PTGR2: variants seen among roughly 807,000 people sequenced by gnomAD.
PTGR2 encodes 15-oxoprostaglandin 13-reductase.
PTGR2 carries 32 observed loss-of-function variants against 43.4 expected under a neutral mutation model. The ratio of observed to expected loss-of-function variants is 0.74; its 90% CI spans 0.56 to 0.99. The LOEUF (loss-of-function observed/expected upper bound fraction) is 0.99. PTGR2 is among the 50% of genes least tolerant of loss of function. The probability of loss-of-function intolerance (pLI) is 0.00; values close to 1 mark genes in which losing one functional copy is unlikely to be tolerated. For synonymous variants in PTGR2, 106 were observed against 139.2 expected (o/e 0.76, Z 1.68); for missense variants, 373 against 420.0 (o/e 0.89, Z 0.98).
intron 6 of PTGR2, 170 bp from the exon 7 acceptor site, chr14:73,879,884 TA>T (rs1482856031): frequency 3.6e-6 from 2 of 559,526 alleles, no homozygotes; most frequent in Non-Finnish European, 6.3e-6. Context: ...CTTTGGAATG[TA>T]ATTATTTCTA....
At chr14:73,876,483 C>CTTTTTTTTTTTTTTTTTTTT (rs766810794) in intron 4 of PTGR2, among the ~76,000 whole-genome samples, 2 of 108,570 alleles carry the variant, frequency 1.8e-5, no homozygotes, top group African/African-American at 3.4e-5. Context: ...GACATAAGTC[C>CTTTTTTTTTTTTTTTTTTTT]TTTTTTTTTT....
At position 73,874,613 on chromosome 14, in the gene PTGR2, G is replaced by T. The variant is rs760424090; in HGVS notation, c.348+399G>T. 3.9e-5 allele frequency: 18 copies of T among 455,888 alleles called. No individual in the cohort carries two copies. The Middle Eastern group carries it at 1.3e-3, about 34-fold the overall frequency. The allele number at this position is 455,888 out of a possible 1,614,324, so 28.2% of individuals were successfully genotyped here. On this transcript the variant is annotated intron_variant, in intron 4 of 9. Transcript: ENST00000555661. ...GGGTTGTCACTGTGTTGCCCCGGCTGGTCTCAAACTCCTAGGCTCAAGCAA... is the reference window on the plus strand; with the variant it reads ...GGGTTGTCACTGTGTTGCCCCGGCTTGTCTCAAACTCCTAGGCTCAAGCAA...
intron 3 of PTGR2, among the ~76,000 whole-genome samples, chr14:73,862,792 C>T (rs774553347): frequency 1.3e-5 from 2 of 152,216 alleles, no homozygotes; most frequent in Middle Eastern, 3.4e-3. Context: ...ACTGCAGCCT[C>T]GACCTCCTGG....
At chr14:73,861,826 T>A (rs567980581) in intron 3 of PTGR2, 1 of 152,062 alleles carries the variant, frequency 6.6e-6, no homozygotes, top group Non-Finnish European at 1.5e-5. Flanking sequence ...CATAGGTTGC[T>A]GAACGACTGT....
intron 5 of PTGR2, chr14:73,877,439 A>G (rs543051098): frequency 2.8e-4 from 61 of 218,258 alleles, no homozygotes; most frequent in Middle Eastern, 1.7e-3. Context: ...TAATTTTTGT[A>G]TTTTTAGTAG....
At position 73,884,385 on chromosome 14, in the gene PTGR2, T is replaced by C. The variant is rs2055076374; in HGVS notation, c.*208T>C. The C allele has an allele frequency of 2.6e-6, 1 of 383,322 alleles. No individual in the cohort carries two copies. 23.7% of individuals were successfully genotyped at this position (383,322 alleles called of 1,614,324 possible). ...AAATTAATAACTTTTAGTAATTACT[T>C]TTATTAATTTAAAATAGAACGCTTG... On this transcript the variant is annotated 3_prime_UTR_variant, in exon 10 of 10. Coordinates refer to ENST00000555661, the MANE Select transcript of PTGR2 (RefSeq NM_001146154.2).
chr14:73,883,446 A>G (rs72627114), intron 9 of PTGR2, among the ~76,000 whole-genome samples: 9,874 of 149,370 alleles, frequency 0.066, 823 homozygotes, highest in East Asian at 0.43. Flanking sequence ...CTTCTGCCTC[A>G]GCCTCCCAAA....
At position 73,880,100 on chromosome 14, in the gene PTGR2, T is replaced by C. The variant is rs145270882; in HGVS notation, c.775T>C (p.Tyr259His). The C allele has an allele frequency of 1.2e-6, 2 of 1,613,942 alleles. No individual in the cohort carries two copies. Among genetic ancestry groups the C allele is most frequent in the Non-Finnish European group, 1.7e-6 (2 of 1,179,838 alleles). Residue 259 changes from tyrosine (Y) to histidine (H), a missense_variant, in exon 7 of 10, where the codon TAC becomes CAC. Coordinates refer to ENST00000555661, the MANE Select transcript of PTGR2 (RefSeq NM_001146154.2). Reference sequence around the variant, plus strand: ...CATCCTGTGTGGTCAAATTTCTCAGTACAACAAAGATGTGCCTTATCCTCC... The same window carrying C: ...CATCCTGTGTGGTCAAATTTCTCAGCACAACAAAGATGTGCCTTATCCTCC... ...HIILCGQISQ[Y>H]NKDVPYPPPL...
chr14:73,883,530 G>C (rs1412005408), intron 9 of PTGR2, among the ~76,000 whole-genome samples: 1 of 151,410 alleles, frequency 6.6e-6, no homozygotes, highest in Non-Finnish European at 1.5e-5. Context: ...CTGTCACCCG[G>C]GCTGGAGTGC....
chr14:73,882,361 GTT>G (rs2055010120), intron 8 of PTGR2, 36 bp from the exon 9 acceptor site: 1 of 1,299,918 alleles, frequency 7.7e-7, no homozygotes. Flanking sequence ...AAACATTGAA[GTT>G]TAAAGACTAT....
chr14:73,865,775 C>T (rs12588108), intron 3 of PTGR2, among the ~76,000 whole-genome samples: 22,625 of 151,594 alleles, frequency 0.15, 2,209 homozygotes, highest in East Asian at 0.32. Context: ...TATTTGACCA[C>T]GAAGGGACAT....
intron 1 of PTGR2, among the ~76,000 whole-genome samples, chr14:73,856,413 A>AT (rs34887856): frequency 0.4 from 60,816 of 150,344 alleles, 12,756 homozygotes; most frequent in Non-Finnish European, 0.46. Flanking sequence ...CCCACCGGCT[A>AT]TTTTTTTTTG....
chr14:73,871,367 T>A (rs955221098), intron 3 of PTGR2, among the ~76,000 whole-genome samples: 33 of 119,822 alleles, frequency 2.8e-4, no homozygotes, highest in East Asian at 1.7e-3. Context: ...TTTTTTTTTT[T>A]AATTTTTGTT....
intron 3 of PTGR2, among the ~76,000 whole-genome samples, chr14:73,864,735 C>T (rs1159132476): frequency 2.6e-5 from 4 of 152,066 alleles, no homozygotes; most frequent in African/African-American, 9.7e-5. Context: ...TTCTTCTATG[C>T]TGTAGGTTGT....
rs1854490815 is a variant in PTGR2, at chr14:73,877,065, C to T, written c.416C>T (p.Thr139Ile). Residue 139 changes from threonine (T) to isoleucine (I), a missense_variant, in exon 5 of 10, where the codon ACT becomes ATT. Transcript: ENST00000555661. ...FLGAIGMPGL[T>I]SLIGIQEKGH... Reference sequence around the variant, plus strand: ...GGAGCTATAGGTATGCCTGGTTTGACTTCCTTGATTGGGATACAGGAAAAA... The same window carrying T: ...GGAGCTATAGGTATGCCTGGTTTGATTTCCTTGATTGGGATACAGGAAAAA... 6.2e-7 allele frequency: 1 copy of T among 1,613,738 alleles called. No homozygotes were observed. Among genetic ancestry groups the T allele is most frequent in the South Asian group, 1.1e-5 (1 of 91,070 alleles).
Position 73,859,748 on chromosome 14 carries a change from C to T in PTGR2, c.38-791C>T, listed in dbSNP as rs140918535. On this transcript the variant is annotated intron_variant, in intron 2 of 9. Transcript: ENST00000555661. ...AAAATAAGGAAGGAAAGTTTAGCCG[C>T]GCTCCATCCTGGGTGACAGAGTAAG... is the stretch of plus-strand genomic sequence containing the variant. 1.8e-3 allele frequency among the ~76,000 whole-genome samples: 275 copies of T among 150,466 alleles called. 1 individual carries two copies. The highest frequency in any genetic ancestry group is 4.8e-3 in the African/African-American group (197 of 40,892).
chr14:73,881,568 A>T (rs1332669328), intron 8 of PTGR2, among the ~76,000 whole-genome samples: 2 of 128,424 alleles, frequency 1.6e-5, no homozygotes, highest in Non-Finnish European at 1.7e-5. Context: ...ATGTAAAATT[A>T]TGTTTATTAA....
chr14:73,875,508 G>T (rs1169648924), intron 4 of PTGR2, among the ~76,000 whole-genome samples: 1 of 152,052 alleles, frequency 6.6e-6, no homozygotes, highest in Non-Finnish European at 1.5e-5. Flanking sequence ...ACCATGGCTG[G>T]CTAATTTTTG....
At position 73,858,878 on chromosome 14, in the gene PTGR2, G is replaced by A; in HGVS notation, c.16G>A (p.Val6Met). 1.2e-6 allele frequency: 2 copies of A among 1,611,932 alleles called. No individual in the cohort carries two copies. Among genetic ancestry groups the A allele is most frequent in the Middle Eastern group, 1.7e-4 (1 of 6,052 alleles). The stretch of plus-strand genomic sequence containing the variant: ...AACCAGAGCAATGATTGTTCAAAGA[G>A]TGGTATTGAATTCTCGACCTGGTAT... Reference protein sequence around the residue: MIVQRVVLNSRPGKNG... With the variant: MIVQRMVLNSRPGKNG... The change falls in exon 2 of 10, where the codon GTG becomes ATG. Residue 6 changes from valine (V) to methionine (M), a missense_variant. Val to Met is a conservative substitution (Grantham distance 21). Coordinates refer to ENST00000555661, the MANE Select transcript of PTGR2 (RefSeq NM_001146154.2).
Sources: allele counts gnomAD v4.1 joint callset (sites outside exome capture counted in the v4.1 genomes callset), GRCh38; gene constraint gnomAD v4.1.1; transcripts MANE v1.5; gene names NCBI Gene and HGNC (gene_info 2026-07-23, HGNC 2026-07-21).